The following NHEJ1 variants were observed in gnomAD, a reference collection of about 807,000 sequenced individuals.
The protein encoded by NHEJ1 is non-homologous end-joining factor 1.
Under a neutral mutation model 39.4 loss-of-function variants are expected in NHEJ1, and 22 were observed. That is an observed-to-expected ratio of 0.56 (90% confidence interval 0.40 to 0.80). NHEJ1 has a LOEUF of 0.80. Among genes scored for constraint, NHEJ1 ranks in the 30% least tolerant of loss-of-function variants. The pLI is 0.00. For synonymous variants in NHEJ1, 154 were observed against 135.6 expected (o/e 1.14, Z -0.94); for missense variants, 329 against 357.1 (o/e 0.92, Z 0.63).
chr2:219,100,240 C>G (rs144107855), intron 5 of NHEJ1, among the ~76,000 whole-genome samples: 1 of 152,210 alleles, frequency 6.6e-6, no homozygotes, highest in Admixed American at 6.5e-5. Flanking sequence ...GTCGACCAAA[C>G]AGATACAAAT....
intron 5 of NHEJ1, among the ~76,000 whole-genome samples, chr2:219,117,944 G>A (rs1373743397): frequency 4.6e-5 from 7 of 152,240 alleles, no homozygotes; most frequent in African/African-American, 1.7e-4. Context: ...AAATGGGGGT[G>A]TGGTAAGGGT....
At chr2:219,152,789 TTTTA>T (rs372977188) in intron 3 of NHEJ1, among the ~76,000 whole-genome samples, 12 of 87,736 alleles carry the variant, frequency 1.4e-4, no homozygotes, top group African/African-American at 1.8e-4. Context: ...ATTTATTTAT[TTTTA>T]TTTATTTATT....
chr2:219,080,612 A>C (rs904299714), intron 5 of NHEJ1, among the ~76,000 whole-genome samples: 9 of 121,058 alleles, frequency 7.4e-5, no homozygotes, highest in South Asian at 2.5e-4. Context: ...AATATATATA[A>C]GCTTATATAT....
At chr2:219,109,454 CG>C (rs1559193208) in intron 5 of NHEJ1, among the ~76,000 whole-genome samples, 1 of 152,232 alleles carries the variant, frequency 6.6e-6, no homozygotes, top group South Asian at 2.1e-4. Context: ...ATAAGTCAGA[CG>C]GGCACCAACG....
In NHEJ1 at chr2:219,157,997, A is replaced by T. The variant is rs111655469; in HGVS notation, c.177+189T>A. On this transcript the variant is annotated intron_variant, in intron 2 of 7. Coordinates refer to ENST00000356853, the MANE Select transcript of NHEJ1 (RefSeq NM_024782.3). ...TTCTCTCTCTCTCTCTCTCTCACAC[A>T]CACACACACACACACACACACACAC... is the stretch of plus-strand genomic sequence containing the variant. Among the ~76,000 whole-genome samples, 7,712 of 45,260 alleles carry T rather than the reference A, an allele frequency of 0.17. 221 individuals are homozygous for T. Among genetic ancestry groups the T allele is most frequent in the East Asian group, 0.34 (432 of 1,274 alleles). 29.7% of individuals were successfully genotyped at this position (45,260 alleles called of 152,430 possible). A position where few individuals can be genotyped will look rare whatever the true frequency, so the allele number is the denominator to read the frequency against.
intron 5 of NHEJ1, among the ~76,000 whole-genome samples, chr2:219,120,515 G>C (rs1949461288): frequency 6.6e-6 from 1 of 152,166 alleles, no homozygotes; most frequent in Non-Finnish European, 1.5e-5. Flanking sequence ...TATTCTTTCT[G>C]GCTATGTTTT....
At chr2:219,097,260 G>C (rs1949217106) in intron 5 of NHEJ1, among the ~76,000 whole-genome samples, 1 of 152,144 alleles carries the variant, frequency 6.6e-6, no homozygotes, top group African/African-American at 2.4e-5. Context: ...TAAGTCAAGG[G>C]ACATCTGTAT....
chr2:219,108,968 A>G lies in NHEJ1; in HGVS notation c.589-30762T>C, dbSNP rs180949298. 7.6e-4 allele frequency among the ~76,000 whole-genome samples: 115 copies of G among 152,314 alleles called. 1 individual carries two copies. The highest frequency in any genetic ancestry group is 1.3e-3 in the East Asian group (7 of 5,186). The stretch of plus-strand genomic sequence containing the variant: ...CATCTGAACCCTTGTTCCCATCCCA[A>G]TTAAACTTAACCACTGTCAATGACA... On this transcript the variant is annotated intron_variant, in intron 5 of 7. Coordinates refer to ENST00000356853, the MANE Select transcript of NHEJ1 (RefSeq NM_024782.3).
chr2:219,131,541 T>C (rs1949578894), intron 5 of NHEJ1, among the ~76,000 whole-genome samples: 1 of 152,232 alleles, frequency 6.6e-6, no homozygotes, highest in Non-Finnish European at 1.5e-5. Flanking sequence ...GTAGTTTACA[T>C]ACATTGTGCA....
At chr2:219,154,889 C>T (rs57950492) in intron 3 of NHEJ1, among the ~76,000 whole-genome samples, 2,462 of 146,022 alleles carry the variant, frequency 0.017, 70 homozygotes, top group African/African-American at 0.058. Flanking sequence ...ATATATAATA[C>T]ATTATATTAT....
At chr2:219,131,111 A>C (rs1949574243) in intron 5 of NHEJ1, among the ~76,000 whole-genome samples, 2 of 152,096 alleles carry the variant, frequency 1.3e-5, no homozygotes, top group African/African-American at 2.4e-5. Flanking sequence ...AAAAACAAAC[A>C]AACTGCAGCT....
intron 5 of NHEJ1, chr2:219,102,713 A>C (rs920122449): frequency 6.6e-6 from 1 of 151,960 alleles, no homozygotes; most frequent in Non-Finnish European, 1.5e-5. Flanking sequence ...GGCAACATAA[A>C]AAAAAAAAAG....
intron 5 of NHEJ1, among the ~76,000 whole-genome samples, chr2:219,121,205 TA>T (rs559046266): frequency 4.0e-3 from 538 of 133,898 alleles, no homozygotes; most frequent in Admixed American, 5.1e-3. Context: ...AAACTCTGTC[TA>T]AAAAAAAAAA....
intron 5 of NHEJ1, among the ~76,000 whole-genome samples, chr2:219,143,138 GC>G (rs1373073040): frequency 6.6e-6 from 1 of 152,000 alleles, no homozygotes; most frequent in Admixed American, 6.6e-5. Context: ...ACCAGCCCTG[GC>G]CCCCCTGCGC....
chr2:219,115,143 C>T (rs898891042), intron 5 of NHEJ1, among the ~76,000 whole-genome samples: 8 of 114,362 alleles, frequency 7.0e-5, no homozygotes, highest in African/African-American at 2.6e-4. Flanking sequence ...AGAATCCCAC[C>T]GTATTTTAAA....
At chr2:219,138,430 C>T (rs2106356104) in intron 5 of NHEJ1, among the ~76,000 whole-genome samples, 1 of 152,296 alleles carries the variant, frequency 6.6e-6, no homozygotes, top group East Asian at 1.9e-4. Flanking sequence ...GTAAGGCTGC[C>T]TATGTCTAAG....
At chr2:219,107,691 T>A (rs1241368556) in intron 5 of NHEJ1, among the ~76,000 whole-genome samples, 1 of 152,208 alleles carries the variant, frequency 6.6e-6, no homozygotes, top group Non-Finnish European at 1.5e-5. Context: ...ATTAGTGGCA[T>A]GTGCCCTGCA....
intron 3 of NHEJ1, among the ~76,000 whole-genome samples, chr2:219,155,065 G>A (rs775517823): frequency 1.3e-5 from 2 of 150,624 alleles, no homozygotes; most frequent in East Asian, 1.9e-4. Context: ...TTTGAAAGAA[G>A]AAACTATTAG....
chr2:219,141,379 CAA>C (rs1351205366), intron 5 of NHEJ1, among the ~76,000 whole-genome samples: 1 of 78,324 alleles, frequency 1.3e-5, no homozygotes. Flanking sequence ...GACTTGGTCT[CAA>C]AAAAAAAAAG....
Sources: allele counts gnomAD v4.1 joint callset (sites outside exome capture counted in the v4.1 genomes callset), GRCh38; gene constraint gnomAD v4.1.1; transcripts MANE v1.5; gene names NCBI Gene and HGNC (gene_info 2026-07-23, HGNC 2026-07-21).